The following IPO5 variants were observed in gnomAD, a reference collection of about 807,000 sequenced individuals.
IPO5 encodes importin-5.
IPO5 carries 18 observed loss-of-function variants against 143.3 expected under a neutral mutation model. The observed-to-expected ratio is 0.13, with a 90% CI of 0.09 to 0.19. The LOEUF is 0.19. Ranked by LOEUF, IPO5 falls within the 10% of genes least tolerant of loss-of-function variation. IPO5 has a pLI of 1.00. For missense variants in IPO5, 1,013 were observed against 1,336.9 expected (o/e 0.76, Z 3.78); for synonymous variants, 477 against 465.7 (o/e 1.02, Z -0.31).
chr13:98,013,249 T>C (rs533109513), intron 21 of IPO5, among the ~76,000 whole-genome samples: 1 of 152,208 alleles, frequency 6.6e-6, no homozygotes, highest in African/African-American at 2.4e-5. Flanking sequence ...TTTGTTTGTT[T>C]TTGTTTTTAA....
chr13:97,960,881 T>TATACTAA (rs1884823326), intron 2 of IPO5, among the ~76,000 whole-genome samples: 1 of 152,144 alleles, frequency 6.6e-6, no homozygotes, highest in Non-Finnish European at 1.5e-5. Context: ...TTCTAAAGTG[T>TATACTAA]ACAATGGAGT....
intron 16 of IPO5, among the ~76,000 whole-genome samples, chr13:98,004,168 T>C (rs774069411): frequency 4.6e-5 from 7 of 152,214 alleles, no homozygotes; most frequent in Non-Finnish European, 7.3e-5. Context: ...ATAAACCTGC[T>C]CTCAAATTGC....
At chr13:97,964,822 C>T (rs1033696097) in intron 2 of IPO5, among the ~76,000 whole-genome samples, 8 of 151,980 alleles carry the variant, frequency 5.3e-5, no homozygotes, top group Admixed American at 3.9e-4. Flanking sequence ...ACCATTTGAC[C>T]CAGCAATCCC....
intron 6 of IPO5, among the ~76,000 whole-genome samples, chr13:97,988,626 A>G (rs1378645280): frequency 6.6e-6 from 1 of 152,244 alleles, no homozygotes; most frequent in Non-Finnish European, 1.5e-5. Flanking sequence ...CGTCTCTACT[A>G]AAAATACAAA....
At chr13:97,970,037 G>C (rs1176979202) in intron 3 of IPO5, 16 of 520,156 alleles carry the variant, frequency 3.1e-5, no homozygotes, top group Non-Finnish European at 4.7e-5. Flanking sequence ...AAAGTATGTA[G>C]GACACCTATG....
intron 16 of IPO5, among the ~76,000 whole-genome samples, chr13:98,005,368 TA>T (rs1889146072): frequency 4.2e-5 from 1 of 23,776 alleles, no homozygotes; most frequent in Non-Finnish European, 7.8e-5. Context: ...GGCTAATTTT[TA>T]TTTATTTATT....
intron 11 of IPO5, among the ~76,000 whole-genome samples, chr13:97,995,353 G>A (rs576982111): frequency 6.9e-4 from 104 of 151,478 alleles, no homozygotes; most frequent in Non-Finnish European, 1.1e-3. Flanking sequence ...CCCAAAGTCC[G>A]TTGTATCATT....
chr13:97,964,528 A>G (rs1036056699), intron 2 of IPO5, among the ~76,000 whole-genome samples: 2 of 149,054 alleles, frequency 1.3e-5, no homozygotes, highest in Admixed American at 1.4e-4. Flanking sequence ...GCTCACTGCA[A>G]GCTCCGCCTC....
intron 3 of IPO5, among the ~76,000 whole-genome samples, chr13:97,974,524 C>T (rs930872639): frequency 2.0e-5 from 3 of 151,554 alleles, no homozygotes; most frequent in Non-Finnish European, 4.4e-5. Context: ...TGGCCAGGCT[C>T]GTCTCGAACT....
At chr13:97,987,857 A>G (rs953934453) in intron 6 of IPO5, 2 of 170,208 alleles carry the variant, frequency 1.2e-5, no homozygotes, top group South Asian at 1.1e-4. Context: ...AGTTTTAAGT[A>G]TGCAGATAGG....
At chr13:97,989,653 A>G (rs371166745) in intron 7 of IPO5, among the ~76,000 whole-genome samples, 1 of 152,300 alleles carries the variant, frequency 6.6e-6, no homozygotes, top group Admixed American at 6.5e-5. Context: ...CCACTGTGCT[A>G]TATTTTTTTA....
intron 2 of IPO5, among the ~76,000 whole-genome samples, chr13:97,961,557 C>T (rs556234488): frequency 1.3e-5 from 2 of 152,278 alleles, no homozygotes; most frequent in South Asian, 2.1e-4. Flanking sequence ...AAAGTATGAG[C>T]GTTTGAATTT....
intron 12 of IPO5, among the ~76,000 whole-genome samples, chr13:97,998,266 C>T (rs1888470311): frequency 2.0e-5 from 3 of 152,234 alleles, no homozygotes; most frequent in Non-Finnish European, 4.4e-5. Context: ...TGAGCCACCG[C>T]ACCTGGCCAA....
intron 14 of IPO5, 42 bp from the exon 15 acceptor site, chr13:98,002,642 G>A: frequency 1.2e-6 from 2 of 1,607,736 alleles, no homozygotes; most frequent in Non-Finnish European, 8.5e-7. Flanking sequence ...GCTTCATGTG[G>A]AAACCTTCTT....
intron 4 of IPO5, among the ~76,000 whole-genome samples, chr13:97,980,826 CAA>C (rs374921610): frequency 5.6e-4 from 61 of 108,736 alleles, no homozygotes; most frequent in African/African-American, 9.0e-4. Context: ...GACTCTATCT[CAA>C]AAAAAAAAAA....
chr13:97,976,970 G>T, intron 4 of IPO5, 184 bp downstream of exon 4: 1 of 179,646 alleles, frequency 5.6e-6, no homozygotes, highest in Non-Finnish European at 1.2e-5. Context: ...GGCTTTTCCG[G>T]CCATTGCTGC....
At chr13:98,014,280 T>G in intron 22 of IPO5, 66 bp downstream of exon 22, 1 of 972,324 alleles carries the variant, frequency 1.0e-6, no homozygotes, top group Non-Finnish European at 1.4e-6. Context: ...TTGCTAAAAG[T>G]AAAAAAAAAA....
At chr13:97,964,712 G>C (rs1050160919) in intron 2 of IPO5, among the ~76,000 whole-genome samples, 7 of 151,982 alleles carry the variant, frequency 4.6e-5, no homozygotes, top group Non-Finnish European at 7.4e-5. Flanking sequence ...GCCTCCCAAA[G>C]TGCTGGGATT....
At chr13:97,983,203 C>A (rs1268796559) in intron 5 of IPO5, among the ~76,000 whole-genome samples, 1 of 152,150 alleles carries the variant, frequency 6.6e-6, no homozygotes, top group Admixed American at 6.5e-5. Flanking sequence ...TAAAAGTTTT[C>A]TTTCCTTGAA....
Sources: gnomAD v4.1 joint callset for allele counts (sites outside exome capture counted in the v4.1 genomes callset) on GRCh38, gnomAD v4.1.1 for gene constraint, MANE v1.5 for transcripts, NCBI Gene and HGNC (gene_info 2026-07-23, HGNC 2026-07-21) for gene names.